The following BRAF variants were observed in gnomAD, a reference collection of about 807,000 sequenced individuals.
BRAF encodes B-Raf proto-oncogene, serine/threonine kinase.
Under a neutral mutation model 104.6 loss-of-function variants are expected in BRAF, and 16 were observed. The observed-to-expected ratio is 0.15, with a 90% CI of 0.10 to 0.23. The LOEUF is 0.23. Ranked by LOEUF, BRAF falls within the 10% of genes least tolerant of loss-of-function variation. The pLI is 1.00. For missense variants in BRAF, 541 were observed against 937.3 expected, an observed-to-expected ratio of 0.58 and a Z score of 5.52; for synonymous variants, 310 against 341.6, an observed-to-expected ratio of 0.91 and a Z score of 1.02.
intron 1 of BRAF, among the ~76,000 whole-genome samples, chr7:140,920,573 T>C (rs1818107792): frequency 6.6e-6 from 1 of 152,244 alleles, no homozygotes; most frequent in Non-Finnish European, 1.5e-5. Flanking sequence ...TGGCCTATTA[T>C]CCAAATACAT....
chr7:140,718,157 T>C (rs982668357), downstream of BRAF, among the ~76,000 whole-genome samples: 2 of 152,008 alleles, frequency 1.3e-5, no homozygotes, highest in African/African-American at 4.8e-5. Flanking sequence ...TGCAATGGCG[T>C]GATCTCAGCT....
chr7:140,917,411 G>A (rs1817742944), intron 1 of BRAF, among the ~76,000 whole-genome samples: 1 of 152,150 alleles, frequency 6.6e-6, no homozygotes, highest in Non-Finnish European at 1.5e-5. Flanking sequence ...TCTGGAAAGG[G>A]CACAGAGATC....
intron 1 of BRAF, among the ~76,000 whole-genome samples, chr7:140,877,491 C>T (rs2129099936): frequency 6.6e-6 from 1 of 151,568 alleles, no homozygotes. Context: ...ACTAAATAAA[C>T]CTAAAGAAAG....
intron 1 of BRAF, among the ~76,000 whole-genome samples, chr7:140,923,693 T>A (rs560424944): frequency 6.6e-6 from 1 of 152,318 alleles, no homozygotes; most frequent in South Asian, 2.1e-4. Context: ...AGAAAACAAG[T>A]AGCTCCAAAG....
chr7:140,800,595 T>C lies in BRAF; in HGVS notation c.861-114A>G. 4 of 1,523,516 alleles carry C rather than the reference T, an allele frequency of 2.6e-6. No homozygotes were observed. In the South Asian group the frequency reaches 4.6e-5, roughly 18 times the overall value. The allele number at this position is 1,523,516 out of a possible 1,614,324, so 94.4% of individuals were successfully genotyped here. On this transcript the variant is annotated intron_variant, in intron 6 of 19. Transcript: ENST00000644969. ...CAAATTCCATTCTCAGAAACAACTG[T>C]TAAAATTCAATTAGTTGTATTTTTG...
chr7:140,873,683 C>A (rs973818900), intron 1 of BRAF, among the ~76,000 whole-genome samples: 1 of 152,168 alleles, frequency 6.6e-6, no homozygotes, highest in African/African-American at 2.4e-5. Flanking sequence ...ACACTGCAAG[C>A]ACGTGCTACA....
intron 5 of BRAF, among the ~76,000 whole-genome samples, chr7:140,803,916 G>A (rs997759616): frequency 2.0e-5 from 3 of 152,080 alleles, no homozygotes; most frequent in African/African-American, 7.2e-5. Context: ...ATGGAGTCTC[G>A]CTCTGTCGCC....
chr7:140,782,611 G>A (rs1019350706), intron 11 of BRAF, among the ~76,000 whole-genome samples: 1 of 152,086 alleles, frequency 6.6e-6, no homozygotes, highest in African/African-American at 2.4e-5. Context: ...TGTGCAGAAT[G>A]TGCAGGTTTG....
In BRAF at chr7:140,787,725, T is replaced by C; in HGVS notation, c.1141-141A>G. 4 of 731,534 alleles carry C rather than the reference T, an allele frequency of 5.5e-6. No individual in the cohort carries two copies. The South Asian group carries it at 7.7e-5, about 14-fold the overall frequency. The allele number at this position is 731,534 out of a possible 1,614,324, so 45.3% of individuals were successfully genotyped here. A position where few individuals can be genotyped will look rare whatever the true frequency, so the allele number is the denominator to read the frequency against. ...ATCTTATAACTATTACACAAAACAA[T>C]TTGGAATTATCTAGTGAACATAATA... On this transcript the variant is annotated intron_variant, in intron 8 of 19. Transcript: ENST00000644969.
intron 3 of BRAF, among the ~76,000 whole-genome samples, chr7:140,825,985 C>G (rs1806002661): frequency 6.6e-6 from 1 of 151,990 alleles, no homozygotes; most frequent in African/African-American, 2.4e-5. Flanking sequence ...TCATTTATTT[C>G]TATTCTTACC....
chr7:140,775,590 C>T (rs1229632979), intron 14 of BRAF, among the ~76,000 whole-genome samples: 3 of 152,198 alleles, frequency 2.0e-5, no homozygotes, highest in South Asian at 2.1e-4. Context: ...CCGCCTGCCT[C>T]GGCCTCCCAT....
intron 14 of BRAF, among the ~76,000 whole-genome samples, chr7:140,755,003 A>C (rs1798084342): frequency 6.6e-6 from 1 of 152,148 alleles, no homozygotes; most frequent in Non-Finnish European, 1.5e-5. Context: ...ATTGAAGTAA[A>C]AGGCAGCATT....
At chr7:140,817,066 C>T (rs1254727656) in intron 3 of BRAF, among the ~76,000 whole-genome samples, 2 of 151,946 alleles carry the variant, frequency 1.3e-5, no homozygotes, top group Non-Finnish European at 2.9e-5. Context: ...AACCTAAAGA[C>T]TCCACCAAAA....
intron 1 of BRAF, among the ~76,000 whole-genome samples, chr7:140,917,621 A>G (rs1331674834): frequency 6.6e-6 from 1 of 152,150 alleles, no homozygotes; most frequent in Non-Finnish European, 1.5e-5. Flanking sequence ...AAATCAATCT[A>G]GTTTTTACAA....
At chr7:140,872,922 G>T (rs1363039007) in intron 1 of BRAF, among the ~76,000 whole-genome samples, 1 of 151,788 alleles carries the variant, frequency 6.6e-6, no homozygotes, top group Non-Finnish European at 1.5e-5. Context: ...AAATTCTAAG[G>T]AATAAAAAAC....
intron 1 of BRAF, among the ~76,000 whole-genome samples, chr7:140,859,822 G>A (rs1034368403): frequency 4.6e-5 from 7 of 151,686 alleles, no homozygotes; most frequent in African/African-American, 1.7e-4. Flanking sequence ...CAAGTAGCTG[G>A]GACTACAGGT....
intron 16 of BRAF, among the ~76,000 whole-genome samples, chr7:140,751,093 G>C (rs1797749068): frequency 6.6e-6 from 1 of 152,062 alleles, no homozygotes; most frequent in Admixed American, 6.6e-5. Context: ...AACAATAAAG[G>C]GTACTGTTGG....
chr7:140,860,192 G>T (rs923544305), intron 1 of BRAF, among the ~76,000 whole-genome samples: 1 of 152,076 alleles, frequency 6.6e-6, no homozygotes, highest in African/African-American at 2.4e-5. Context: ...GTTCACATTG[G>T]CATTATAATT....
chr7:140,769,658 T>C (rs1292333139), intron 14 of BRAF, among the ~76,000 whole-genome samples: 2 of 152,232 alleles, frequency 1.3e-5, no homozygotes, highest in Admixed American at 6.5e-5. Flanking sequence ...TAAGTGCCAA[T>C]ATGTTATTTA....
Sources: allele counts gnomAD v4.1 joint callset (sites outside exome capture counted in the v4.1 genomes callset), GRCh38; gene constraint gnomAD v4.1.1; transcripts MANE v1.5; gene names NCBI Gene and HGNC (gene_info 2026-07-23, HGNC 2026-07-21).